The following KDSR variants were observed in gnomAD, a reference collection of about 807,000 sequenced individuals.
The protein encoded by KDSR is 3-dehydrosphinganine reductase.
Under a neutral mutation model 41.3 loss-of-function variants are expected in KDSR, and 23 were observed. The observed-to-expected ratio is 0.56, with a 90% CI of 0.40 to 0.79. KDSR has a LOEUF of 0.79. Among genes scored for constraint, KDSR ranks in the 30% least tolerant of loss-of-function variants. KDSR has a pLI of 0.00. For synonymous variants in KDSR, 138 were observed against 151.7 expected (o/e 0.91, Z 0.66); for missense variants, 351 against 416.8 (o/e 0.84, Z 1.37).
intron 2 of KDSR, 103 bp from the exon 3 acceptor site, chr18:63,359,895 A>G: frequency 1.3e-6 from 1 of 785,436 alleles, no homozygotes; most frequent in Non-Finnish European, 2.2e-6. Context: ...GTATGTATTA[A>G]ATTCCAGAAA....
rs527327017 is a variant in KDSR, at chr18:63,331,832, G to A, written c.949C>T (p.Arg317Cys). 1.2e-5 allele frequency: 20 copies of A among 1,613,978 alleles called. No individual in the cohort carries two copies. Among genetic ancestry groups the A allele is most frequent in the Middle Eastern group, 3.3e-4 (2 of 6,060 alleles). The change falls in exon 10 of 10, where the codon CGC (arginine) becomes TGC (cysteine). Residue 317 changes from arginine to cysteine, a missense_variant. By Grantham distance (180) the Arg-to-Cys change is radical (BLOSUM62 -3). Transcript: ENST00000645214. The stretch of plus-strand genomic sequence containing the variant: ...GATTTTTCTCTCTGCATCATGCAGC[G>A]ACGAACTATGCTGTCAAAACTTCCA... ...YLGSFDSIVR[R>C]CMMQREKSEN...
Position 63,348,323 on chromosome 18 carries a change from TAA to T in KDSR, c.609+2563_609+2564del, listed in dbSNP as rs11335269. On this transcript the variant is annotated intron_variant, in intron 6 of 9. Coordinates refer to ENST00000645214, the MANE Select transcript of KDSR (RefSeq NM_002035.4). ...GACTCTGTCTTCAGAAAATAAAAAT[TAA>T]AAAAAAAAAAAAAAGTATCTGGAGT... is the stretch of plus-strand genomic sequence containing the variant. Among the ~76,000 whole-genome samples, 244 of 138,152 alleles carry T rather than the reference TAA, an allele frequency of 1.8e-3. 1 individual carries two copies. Among genetic ancestry groups the T allele is most frequent in the Middle Eastern group, 7.2e-3 (2 of 278 alleles). 90.6% of individuals were successfully genotyped at this position (138,152 alleles called of 152,430 possible). A position where few individuals can be genotyped will look rare whatever the true frequency, so the allele number is the denominator to read the frequency against.
intron 7 of KDSR, among the ~76,000 whole-genome samples, chr18:63,343,467 C>T (rs1431137911): frequency 6.6e-6 from 1 of 151,418 alleles, no homozygotes; most frequent in South Asian, 2.1e-4. Context: ...TGGCTCACTG[C>T]AGCCTCAACC....
intron 5 of KDSR, among the ~76,000 whole-genome samples, chr18:63,353,419 T>C (rs940956968): frequency 6.6e-5 from 10 of 152,002 alleles, no homozygotes; most frequent in Admixed American, 2.6e-4. Context: ...AACTAAATGC[T>C]AAGCGGGGAG....
chr18:63,343,206 G>A (rs1914395191), intron 7 of KDSR, among the ~76,000 whole-genome samples: 1 of 151,992 alleles, frequency 6.6e-6, no homozygotes, highest in African/African-American at 2.4e-5. Flanking sequence ...AGCCTCCTGA[G>A]TAGCTGGAAC....
intron 7 of KDSR, among the ~76,000 whole-genome samples, chr18:63,342,305 T>TAA (rs1219473098): frequency 6.6e-6 from 1 of 151,620 alleles, no homozygotes; most frequent in Non-Finnish European, 1.5e-5. Flanking sequence ...AATGAGCAGA[T>TAA]AAACCAAAAA....
At chr18:63,332,219 C>T (rs969907779) in intron 9 of KDSR, among the ~76,000 whole-genome samples, 4 of 152,182 alleles carry the variant, frequency 2.6e-5, no homozygotes, top group Non-Finnish European at 5.9e-5. Flanking sequence ...AATAGCCAAA[C>T]TACAATCAAG....
At chr18:63,361,060 G>A (rs4940585) in intron 2 of KDSR, among the ~76,000 whole-genome samples, 90,763 of 116,292 alleles carry the variant, frequency 0.78, 35,852 homozygotes, top group East Asian at 0.96. Context: ...TTATATATAT[G>A]TAAATATATA....
chr18:63,353,829 G>C lies in KDSR; in HGVS notation c.417+1375C>G, dbSNP rs555372648. Among the ~76,000 whole-genome samples, 4 of 152,250 alleles carry C rather than the reference G, an allele frequency of 2.6e-5. 1 individual carries two copies. Among genetic ancestry groups the C allele is most frequent in the African/African-American group, 9.6e-5 (4 of 41,548 alleles). The stretch of plus-strand genomic sequence containing the variant: ...TTGGGTGTGGGGGTGAGCAGGGATG[G>C]GGAGCAACTGCTTACCAGGTGAGGG... On this transcript the variant is annotated intron_variant, in intron 5 of 9. Coordinates refer to ENST00000645214, the MANE Select transcript of KDSR (RefSeq NM_002035.4).
At chr18:63,333,237 G>A (rs1009068796) in intron 9 of KDSR, among the ~76,000 whole-genome samples, 38 of 152,006 alleles carry the variant, frequency 2.5e-4, no homozygotes, top group African/African-American at 8.0e-4. Context: ...ACACCACCAC[G>A]CCTGGCTTTC....
chr18:63,367,197 C>G lies in KDSR; in HGVS notation c.-79G>C. 1.5e-6 allele frequency: 1 copy of G among 675,298 alleles called. No homozygotes were observed. Among genetic ancestry groups the G allele is most frequent in the Non-Finnish European group, 2.1e-6 (1 of 481,670 alleles). The allele number at this position is 675,298 out of a possible 1,614,324, so 41.8% of individuals were successfully genotyped here. ...CGCGCAGGGCTGGGCTGCGGCGAGGCGAGAATCACGCGCGGCGGGCGGGCG... is the reference window on the plus strand; with the variant it reads ...CGCGCAGGGCTGGGCTGCGGCGAGGGGAGAATCACGCGCGGCGGGCGGGCG... On this transcript the variant is annotated 5_prime_UTR_variant, in exon 1 of 10. Coordinates refer to ENST00000645214, the MANE Select transcript of KDSR (RefSeq NM_002035.4).
Position 63,328,499 on chromosome 18 carries a change from C to T in KDSR, c.*3283G>A, listed in dbSNP as rs1913876663. The T allele has an allele frequency of 6.4e-6, 1 of 155,342 alleles. No homozygotes were observed. The highest frequency in any genetic ancestry group is 6.5e-5 in the Admixed American group (1 of 15,326). The allele number at this position is 155,342 out of a possible 1,614,324, so 9.6% of individuals were successfully genotyped here. A position where few individuals can be genotyped will look rare whatever the true frequency, so the allele number is the denominator to read the frequency against. The stretch of plus-strand genomic sequence containing the variant: ...TCCTGAGTAGCTGGCGCCCGCCACA[C>T]ACAGGCGCCTGCCACCGTGTCCAGC... On this transcript the variant is annotated 3_prime_UTR_variant, in exon 10 of 10. Transcript: ENST00000645214.
chr18:63,342,267 T>G (rs1474060826), intron 7 of KDSR, among the ~76,000 whole-genome samples: 1 of 151,082 alleles, frequency 6.6e-6, no homozygotes, highest in African/African-American at 2.4e-5. Flanking sequence ...TCTCAGAAAA[T>G]TGGTGGAAAA....
intron 5 of KDSR, among the ~76,000 whole-genome samples, chr18:63,353,796 G>C (rs1466580197): frequency 1.3e-5 from 2 of 152,074 alleles, no homozygotes; most frequent in Non-Finnish European, 2.9e-5. Flanking sequence ...ATTGGTGGTT[G>C]TCAGAGATTG....
chr18:63,334,783 A>T (rs1418150454), intron 9 of KDSR, among the ~76,000 whole-genome samples: 1 of 152,204 alleles, frequency 6.6e-6, no homozygotes, highest in Non-Finnish European at 1.5e-5. Context: ...TCTTGGACAA[A>T]ATAATACATT....
At position 63,363,399 on chromosome 18, in the gene KDSR, G is replaced by A. The variant is rs1599341623; in HGVS notation, c.109-531C>T. Among the ~76,000 whole-genome samples the A allele has an allele frequency of 2.7e-5, 3 of 111,592 alleles. No homozygotes were observed. In the South Asian group the frequency reaches 9.5e-4, roughly 35 times the overall value. The allele number at this position is 111,592 out of a possible 152,430, so 73.2% of individuals were successfully genotyped here. On this transcript the variant is annotated intron_variant, in intron 1 of 9. Coordinates refer to ENST00000645214, the MANE Select transcript of KDSR (RefSeq NM_002035.4). ...CCCCGACCCCACCACAGTCCCCAGA[G>A]TGTGATATTCCCCTTCCTGTGTCCA...
chr18:63,357,015 T>G (rs1471417030), intron 3 of KDSR, among the ~76,000 whole-genome samples: 1 of 152,206 alleles, frequency 6.6e-6, no homozygotes, highest in African/African-American at 2.4e-5. Context: ...AGCAGGGACC[T>G]GACGGAATAA....
At chr18:63,353,111 G>A (rs1299595278) in intron 5 of KDSR, among the ~76,000 whole-genome samples, 5 of 151,820 alleles carry the variant, frequency 3.3e-5, no homozygotes, top group Non-Finnish European at 7.4e-5. Flanking sequence ...AGCCTGGGAA[G>A]TGGAGGCTGC....
At chr18:63,358,883 T>TA (rs1599337736) in intron 3 of KDSR, among the ~76,000 whole-genome samples, 1 of 143,252 alleles carries the variant, frequency 7.0e-6, no homozygotes, top group East Asian at 2.1e-4. Flanking sequence ...ATGGTAAAAT[T>TA]AAAAAGAAAA....
Sources: gnomAD v4.1 joint callset for allele counts (sites outside exome capture counted in the v4.1 genomes callset) on GRCh38, gnomAD v4.1.1 for gene constraint, MANE v1.5 for transcripts, NCBI Gene and HGNC (gene_info 2026-07-23, HGNC 2026-07-21) for gene names.